The following NAALADL2 variants were observed in gnomAD, a reference collection of about 807,000 sequenced individuals.
The protein encoded by NAALADL2 is N-acetylated alpha-linked acidic dipeptidase like 2.
A neutral mutation model predicts 87.2 loss-of-function variants in NAALADL2; 76 were observed. The ratio of observed to expected loss-of-function variants is 0.87; its 90% CI spans 0.72 to 1.05. The LOEUF is 1.05. Ranked by LOEUF, NAALADL2 falls within the 50% of genes least tolerant of loss-of-function variation. NAALADL2 has a pLI of 0.00. For synonymous variants in NAALADL2, 354 were observed against 331.0 expected, an observed-to-expected ratio of 1.07 and a Z score of -0.75; for missense variants, 1,089 against 945.8, an observed-to-expected ratio of 1.15 and a Z score of -1.99.
chr3:175,197,458 A>T (rs1202631114), intron 2 of NAALADL2, among the ~76,000 whole-genome samples: 1 of 151,956 alleles, frequency 6.6e-6, no homozygotes, highest in Non-Finnish European at 1.5e-5. Context: ...ATTGTCACAA[A>T]TCACCAAAAA....
intron 5 of NAALADL2, among the ~76,000 whole-genome samples, chr3:175,356,004 C>T (rs1314925686): frequency 6.6e-6 from 1 of 152,046 alleles, no homozygotes; most frequent in Non-Finnish European, 1.5e-5. Flanking sequence ...CTGAGAACAA[C>T]CAGCTTGGAG....
At chr3:174,843,863 A>T (rs1370256980) in intron 3 of NAALADL2, among the ~76,000 whole-genome samples, 4 of 151,604 alleles carry the variant, frequency 2.6e-5, no homozygotes, top group South Asian at 2.1e-4. Context: ...TTGCTGATTT[A>T]AAAAAAAATT....
intron 5 of NAALADL2, among the ~76,000 whole-genome samples, chr3:175,338,612 AAAC>A (rs1445043156): frequency 3.2e-5 from 3 of 93,382 alleles, no homozygotes; most frequent in African/African-American, 1.0e-4. Context: ...AAAAAAAAAA[AAAC>A]ACCACAAACA....
At chr3:175,394,377 G>A (rs1769492895) in intron 5 of NAALADL2, among the ~76,000 whole-genome samples, 3 of 152,058 alleles carry the variant, frequency 2.0e-5, no homozygotes, top group Admixed American at 1.3e-4. Context: ...TCTACTTTAG[G>A]CGATCATATT....
chr3:175,082,186 A>C (rs1718001329), intron 1 of NAALADL2, among the ~76,000 whole-genome samples: 1 of 152,232 alleles, frequency 6.6e-6, no homozygotes, highest in African/African-American at 2.4e-5. Context: ...CCCAGTGCAC[A>C]GTCTTTAGTA....
chr3:175,687,027 A>G (rs1736391220), intron 11 of NAALADL2, among the ~76,000 whole-genome samples: 1 of 152,182 alleles, frequency 6.6e-6, no homozygotes, highest in South Asian at 2.1e-4. Flanking sequence ...GTACAAAGTT[A>G]TGAGGGGGCA....
intron 2 of NAALADL2, among the ~76,000 whole-genome samples, chr3:175,164,170 T>C (rs1173537655): frequency 6.6e-6 from 1 of 151,982 alleles, no homozygotes; most frequent in Admixed American, 6.6e-5. Context: ...AATAAATGCA[T>C]GCACATTAAA....
chr3:175,131,297 C>T (rs563045550), intron 2 of NAALADL2, among the ~76,000 whole-genome samples: 8 of 151,924 alleles, frequency 5.3e-5, no homozygotes, highest in South Asian at 2.1e-4. Context: ...GAGGACCCTG[C>T]GGCCTTCTGC....
chr3:174,486,257 A>G (rs1485801550), intron 1 of NAALADL2, among the ~76,000 whole-genome samples: 1 of 152,060 alleles, frequency 6.6e-6, no homozygotes, highest in Admixed American at 6.6e-5. Context: ...AAGGATATAC[A>G]TTGTTGAGAA....
chr3:175,093,971 C>A (rs1720652219), intron 1 of NAALADL2, among the ~76,000 whole-genome samples: 1 of 151,904 alleles, frequency 6.6e-6, no homozygotes. Context: ...AAAACTCTGC[C>A]TCACCATTGC....
chr3:175,066,104 A>G (rs1714494186), intron 1 of NAALADL2, among the ~76,000 whole-genome samples: 1 of 152,086 alleles, frequency 6.6e-6, no homozygotes, highest in African/African-American at 2.4e-5. Context: ...AAATGTAGCC[A>G]CTCTGCAATC....
intron 1 of NAALADL2, among the ~76,000 whole-genome samples, chr3:174,527,009 A>C (rs1200280975): frequency 1.3e-5 from 2 of 152,142 alleles, no homozygotes; most frequent in African/African-American, 4.8e-5. Flanking sequence ...TCACTAAAAT[A>C]ACTTAGGGTC....
chr3:175,761,324 G>A (rs1747979100), intron 13 of NAALADL2, among the ~76,000 whole-genome samples: 1 of 152,100 alleles, frequency 6.6e-6, no homozygotes, highest in Admixed American at 6.6e-5. Context: ...AACCTTGTTG[G>A]ATTGACTTCT....
At chr3:175,643,245 A>T (rs1206286853) in intron 11 of NAALADL2, among the ~76,000 whole-genome samples, 1 of 152,148 alleles carries the variant, frequency 6.6e-6, no homozygotes, top group Non-Finnish European at 1.5e-5. Context: ...ATGCATAAAT[A>T]TACCAAAATT....
chr3:174,645,632 A>G (rs2108742881), intron 2 of NAALADL2, among the ~76,000 whole-genome samples: 1 of 152,264 alleles, frequency 6.6e-6, no homozygotes, highest in African/African-American at 2.4e-5. Flanking sequence ...ATTTTTCTGT[A>G]AGGTTTTTTT....
chr3:175,214,073 G>A (rs757935334), intron 2 of NAALADL2, among the ~76,000 whole-genome samples: 2 of 152,092 alleles, frequency 1.3e-5, no homozygotes, highest in Non-Finnish European at 2.9e-5. Flanking sequence ...TACTCAATAT[G>A]AGCCAACATG....
At chr3:175,131,459 G>C (rs1437260670) in intron 2 of NAALADL2, among the ~76,000 whole-genome samples, 4 of 151,964 alleles carry the variant, frequency 2.6e-5, no homozygotes, top group Non-Finnish European at 5.9e-5. Flanking sequence ...CAGAGAGCAC[G>C]GGGTTGGGGG....
At chr3:175,465,225 C>A (rs1723800347) in intron 7 of NAALADL2, among the ~76,000 whole-genome samples, 1 of 145,838 alleles carries the variant, frequency 6.9e-6, no homozygotes, top group Non-Finnish European at 1.5e-5. Flanking sequence ...GCACTCCAGC[C>A]TGGGCGACAG....
intron 11 of NAALADL2, among the ~76,000 whole-genome samples, chr3:175,726,129 AAT>A (rs1742883720): frequency 6.6e-6 from 1 of 152,142 alleles, no homozygotes; most frequent in African/African-American, 2.4e-5. Flanking sequence ...ATCACTGAAA[AAT>A]AGTCATTAAA....
Sources: allele counts gnomAD v4.1 joint callset (sites outside exome capture counted in the v4.1 genomes callset), GRCh38; gene constraint gnomAD v4.1.1; transcripts MANE v1.5; gene names NCBI Gene and HGNC (gene_info 2026-07-23, HGNC 2026-07-21).